DHRSX: variants seen among roughly 807,000 people sequenced by gnomAD.
DHRSX encodes the protein polyprenol dehydrogenase.
In DHRSX, 31 loss-of-function variants were observed where a neutral mutation model predicts 34.0. The observed-to-expected ratio is 0.91, with a 90% CI of 0.69 to 1.23. The LOEUF is 1.23. DHRSX is among the 50% of genes most tolerant of loss of function. The pLI, the probability that DHRSX is intolerant of heterozygous loss-of-function variation, is 0.00. For missense variants in DHRSX, 414 were observed against 428.1 expected (o/e 0.97, Z 0.29); for synonymous variants, 201 against 183.8 (o/e 1.09, Z -0.76).
chrX:2,332,045 A>G (rs1055494781), intron 3 of DHRSX, among the ~76,000 whole-genome samples: 1 of 152,174 alleles, frequency 6.6e-6, no homozygotes, highest in Non-Finnish European at 1.5e-5. Context: ...TAAAAAATAT[A>G]TATCGTTGGA....
At chrX:2,285,466 G>C (rs543185845) in intron 4 of DHRSX, among the ~76,000 whole-genome samples, 321 of 152,310 alleles carry the variant, frequency 2.1e-3, no homozygotes, top group African/African-American at 6.9e-3. Flanking sequence ...GCTCCTATAA[G>C]AATCTAATGC....
chrX:2,492,375 C>A (rs936968568), intron 1 of DHRSX, among the ~76,000 whole-genome samples: 1 of 151,854 alleles, frequency 6.6e-6, no homozygotes, highest in African/African-American at 2.4e-5. Flanking sequence ...AAACCCAGAA[C>A]GCCTGGAGCC....
chrX:2,223,211 A>T (rs1353644133), intron 6 of DHRSX, among the ~76,000 whole-genome samples: 1 of 152,126 alleles, frequency 6.6e-6, no homozygotes, highest in Non-Finnish European at 1.5e-5. Context: ...GAATCATGGG[A>T]GATCTTTCTC....
In DHRSX at chrX:2,291,447, T is replaced by C; in HGVS notation, c.388+55A>G. 5.9e-6 allele frequency: 8 copies of C among 1,352,772 alleles called. No individual in the cohort carries two copies. In the South Asian group the frequency reaches 9.5e-5, roughly 16 times the overall value. The allele number at this position is 1,352,772 out of a possible 1,614,324, so 83.8% of individuals were successfully genotyped here. A position where few individuals can be genotyped will look rare whatever the true frequency, so the allele number is the denominator to read the frequency against. On this transcript the variant is annotated intron_variant, in intron 4 of 6. Coordinates refer to ENST00000334651, the MANE Select transcript of DHRSX (RefSeq NM_145177.3). ...CACTTCTCCCGCATGAAAGCTAGAG[T>C]TCCTGTTTGCATTCAAATTAACCCC...
chrX:2,455,234 T>C (rs5982936), intron 1 of DHRSX, among the ~76,000 whole-genome samples: 72,085 of 151,566 alleles, frequency 0.48, 20,312 homozygotes, highest in African/African-American at 0.77. Flanking sequence ...TGATAAGTGG[T>C]AGGTAAGCAT....
rs1008450157 is a variant in DHRSX, at chrX:2,458,838, T to TA, written c.110-33535dup. 2.9e-3 allele frequency among the ~76,000 whole-genome samples: 439 copies of TA among 150,188 alleles called. 2 individuals carry two copies. The highest frequency in any genetic ancestry group is 6.9e-3 in the African/African-American group (282 of 40,952). ...CATAATGAAACCCCATCTCTAAAAA[T>TA]AAAAAAAAATGAAAAAATTAGCTAG... is the stretch of plus-strand genomic sequence containing the variant. On this transcript the variant is annotated intron_variant, in intron 1 of 6. Transcript: ENST00000334651.
intron 3 of DHRSX, among the ~76,000 whole-genome samples, chrX:2,349,094 C>T (rs1027712356): frequency 3.3e-5 from 5 of 151,968 alleles, no homozygotes; most frequent in South Asian, 4.1e-4. Flanking sequence ...ATGGTACGGA[C>T]GTTCCTCAAA....
At position 2,500,829 on chromosome X, in the gene DHRSX, A is replaced by T; in HGVS notation, c.97T>A (p.Phe33Ile). The T allele has an allele frequency of 8.8e-7, 1 of 1,135,850 alleles. No individual in the cohort carries two copies. Among genetic ancestry groups the T allele is most frequent in the Non-Finnish European group, 1.1e-6 (1 of 924,812 alleles). 70.4% of individuals were successfully genotyped at this position (1,135,850 alleles called of 1,614,324 possible). A position where few individuals can be genotyped will look rare whatever the true frequency, so the allele number is the denominator to read the frequency against. Residue 33 changes from phenylalanine (F) to isoleucine (I), a missense_variant, in exon 1 of 7, where the codon TTC becomes ATC. Phe to Ile is a conservative substitution (Grantham distance 21). Transcript: ENST00000334651. ...CCGCCCCGCTGACCTGGCTCCAGGA[A>T]GCCCCCGCGGCAGCGCCGCAGCAGC... Reference protein sequence around the residue: ...AQLLRRCRGGFLEPVFPPRPD... With the variant: ...AQLLRRCRGGILEPVFPPRPD...
At chrX:2,352,418 G>C (rs746684813) in intron 3 of DHRSX, among the ~76,000 whole-genome samples, 1 of 152,248 alleles carries the variant, frequency 6.6e-6, no homozygotes. Context: ...TGAGCTATCT[G>C]AGGTGCTTCA....
At chrX:2,399,445 G>A (rs1378424718) in intron 3 of DHRSX, among the ~76,000 whole-genome samples, 3 of 149,906 alleles carry the variant, frequency 2.0e-5, no homozygotes, top group African/African-American at 4.9e-5. Flanking sequence ...GATAGCTCAC[G>A]CCTGTAATCC....
chrX:2,367,249 C>A (rs2043004712), intron 3 of DHRSX, among the ~76,000 whole-genome samples: 1 of 151,860 alleles, frequency 6.6e-6, no homozygotes, highest in African/African-American at 2.4e-5. Context: ...ACCAGCCTGA[C>A]CAACATGGTG....
intron 1 of DHRSX, among the ~76,000 whole-genome samples, chrX:2,452,549 C>G (rs1370421159): frequency 2.6e-5 from 4 of 151,132 alleles, no homozygotes; most frequent in African/African-American, 7.3e-5. Flanking sequence ...AAGAATGTGG[C>G]CAAGAGACCA....
intron 3 of DHRSX, among the ~76,000 whole-genome samples, chrX:2,369,406 A>T (rs2043030905): frequency 6.6e-6 from 1 of 152,216 alleles, no homozygotes; most frequent in African/African-American, 2.4e-5. Flanking sequence ...ATGTCTTGTG[A>T]GTCAACAAGA....
Position 2,254,801 on chromosome X carries a change from C to T in DHRSX, c.597-11571G>A, listed in dbSNP as rs763946976. Reference sequence around the variant, plus strand: ...AGCTGGGACTACAGGTGCCCGCCACCACACTCAGCTAATTTTGGTATTTTT... The same window carrying T: ...AGCTGGGACTACAGGTGCCCGCCACTACACTCAGCTAATTTTGGTATTTTT... On this transcript the variant is annotated intron_variant, in intron 5 of 6. Coordinates refer to ENST00000334651, the MANE Select transcript of DHRSX (RefSeq NM_145177.3). Among the ~76,000 whole-genome samples the T allele has an allele frequency of 1.8e-4, 28 of 151,986 alleles. No homozygotes were observed. In the South Asian group the frequency reaches 5.6e-3, roughly 31 times the overall value.
At chrX:2,472,045 T>A (rs753786667) in intron 1 of DHRSX, among the ~76,000 whole-genome samples, 33 of 150,856 alleles carry the variant, frequency 2.2e-4, no homozygotes, top group African/African-American at 7.8e-4. Context: ...CTCAGAAGGC[T>A]GAGGCAGGAC....
chrX:2,468,774 C>T (rs1260838785), intron 1 of DHRSX, among the ~76,000 whole-genome samples: 5 of 151,384 alleles, frequency 3.3e-5, no homozygotes, highest in South Asian at 2.1e-4. Context: ...CGTGTACACA[C>T]TGAAGACATT....
At chrX:2,449,137 T>TG (rs1334203817) in intron 1 of DHRSX, among the ~76,000 whole-genome samples, 15 of 151,160 alleles carry the variant, frequency 9.9e-5, no homozygotes, top group African/African-American at 3.6e-4. Flanking sequence ...TGCAGTGAGC[T>TG]AAGATCGCAC....
chrX:2,403,312 A>AC (rs1421473963), intron 3 of DHRSX, among the ~76,000 whole-genome samples: 1 of 152,194 alleles, frequency 6.6e-6, no homozygotes, highest in Non-Finnish European at 1.5e-5. Context: ...TCCACGGCAC[A>AC]CCCCATCTTC....
chrX:2,389,095 C>T (rs988513401), intron 3 of DHRSX, among the ~76,000 whole-genome samples: 3 of 152,216 alleles, frequency 2.0e-5, no homozygotes, highest in East Asian at 1.9e-4. Context: ...CGCTACAAGA[C>T]GAATACACGG....
Sources: gnomAD v4.1 joint callset for allele counts (sites outside exome capture counted in the v4.1 genomes callset) on GRCh38, gnomAD v4.1.1 for gene constraint, MANE v1.5 for transcripts, NCBI Gene and HGNC (gene_info 2026-07-23, HGNC 2026-07-21) for gene names.